Variants in AXIN1 observed in about 807,000 individuals in gnomAD.
AXIN1 encodes the protein axin-1.
Under a neutral mutation model 76.4 loss-of-function variants are expected in AXIN1, and 30 were observed. That is an observed-to-expected ratio of 0.39 (90% CI 0.29 to 0.53). The LOEUF (loss-of-function observed/expected upper bound fraction) is 0.53, where lower values mean the gene tolerates loss of function less well. AXIN1 is among the 20% of genes least tolerant of loss of function. The pLI, the probability that AXIN1 is intolerant of heterozygous loss-of-function variation, is 0.66. For synonymous variants in AXIN1, 545 were observed against 501.4 expected, an observed-to-expected ratio of 1.09 and a Z score of -1.16; for missense variants, 1,140 against 1,198.8, an observed-to-expected ratio of 0.95 and a Z score of 0.72.
intron 2 of AXIN1, among the ~76,000 whole-genome samples, chr16:345,700 G>C (rs1373935476): frequency 6.8e-6 from 1 of 147,968 alleles, no homozygotes; most frequent in Non-Finnish European, 1.5e-5. Context: ...AGCAACAAAA[G>C]TGAAACTCCG....
At chr16:332,101 C>T (rs80312716) in intron 2 of AXIN1, among the ~76,000 whole-genome samples, 1,545 of 152,242 alleles carry the variant, frequency 0.01, 19 homozygotes, top group African/African-American at 0.026. Context: ...TGCGAGAGTC[C>T]ACAGGTCGGC....
chr16:326,312 C>G (rs1362897198), intron 2 of AXIN1, among the ~76,000 whole-genome samples: 1 of 142,086 alleles, frequency 7.0e-6, no homozygotes, highest in Non-Finnish European at 1.5e-5. Flanking sequence ...CACAATCACA[C>G]CACTGCACTC....
intron 3 of AXIN1, among the ~76,000 whole-genome samples, chr16:311,750 A>G (rs970371201): frequency 1.3e-5 from 2 of 152,096 alleles, no homozygotes; most frequent in African/African-American, 2.4e-5. Flanking sequence ...CAGTCTGGGC[A>G]ACAGAGCAAG....
intron 8 of AXIN1, chr16:291,697 G>A (rs775485280): frequency 3.0e-5 from 10 of 333,452 alleles, no homozygotes; most frequent in Non-Finnish European, 5.3e-5. Flanking sequence ...GGCGTGCGTG[G>A]CAACTCGGTC....
intron 2 of AXIN1, among the ~76,000 whole-genome samples, chr16:326,693 C>T (rs2053591706): frequency 1.3e-5 from 2 of 148,846 alleles, no homozygotes; most frequent in Admixed American, 6.7e-5. Context: ...TTGCAGTGAG[C>T]GAGATCGCGC....
At chr16:320,328 G>A (rs926965283) in intron 2 of AXIN1, among the ~76,000 whole-genome samples, 1 of 152,102 alleles carries the variant, frequency 6.6e-6, no homozygotes, top group Non-Finnish European at 1.5e-5. Context: ...TTACAGGCAT[G>A]AGCCATCATG....
chr16:327,670 A>G (rs572989275), intron 2 of AXIN1, among the ~76,000 whole-genome samples: 1 of 152,240 alleles, frequency 6.6e-6, no homozygotes, highest in African/African-American at 2.4e-5. Flanking sequence ...CCAACAGCTC[A>G]AACTGTGGCC....
At chr16:307,888 T>C (rs1301516682) in intron 4 of AXIN1, among the ~76,000 whole-genome samples, 2 of 152,218 alleles carry the variant, frequency 1.3e-5, no homozygotes, top group Non-Finnish European at 2.9e-5. Flanking sequence ...AGTTTCCCAG[T>C]AGCAGCAGTG....
At position 293,181 on chromosome 16, in the gene AXIN1, C is replaced by T. The variant is rs1328626327; in HGVS notation, c.2186+307G>A. ...AGCCTCTGGCTGGGGACCGGCGTTC[C>T]CCACACACTGGGGCCCTGCAGCCTC... On this transcript the variant is annotated intron_variant, in intron 8 of 10. Coordinates refer to ENST00000262320, the MANE Select transcript of AXIN1 (RefSeq NM_003502.4). The surrounding 1 kb of genome is among the most constrained non-coding windows in gnomAD (Gnocchi z 4.6). The T allele has an allele frequency of 1.2e-5, 6 of 480,078 alleles. No individual in the cohort carries two copies. The highest frequency in any genetic ancestry group is 7.0e-5 in the East Asian group (2 of 28,600). The allele number at this position is 480,078 out of a possible 1,614,324, so 29.7% of individuals were successfully genotyped here. A position where few individuals can be genotyped will look rare whatever the true frequency, so the allele number is the denominator to read the frequency against.
chr16:312,575 G>A (rs1189386663), intron 3 of AXIN1, among the ~76,000 whole-genome samples: 1 of 152,190 alleles, frequency 6.6e-6, no homozygotes, highest in Non-Finnish European at 1.5e-5. Context: ...CCTGGCCCGA[G>A]GCTTCAGGAC....
At chr16:333,913 C>T (rs143947251) in intron 2 of AXIN1, among the ~76,000 whole-genome samples, 363 of 150,962 alleles carry the variant, frequency 2.4e-3, no homozygotes, top group Non-Finnish European at 4.1e-3. Context: ...CCATAGCATG[C>T]CCATAACACA....
At position 323,844 on chromosome 16, in the gene AXIN1, C is replaced by A. The variant is rs151220084; in HGVS notation, c.879-9161G>T. Among the ~76,000 whole-genome samples the A allele has an allele frequency of 1.5e-3, 223 of 152,250 alleles. 2 individuals carry two copies. Among genetic ancestry groups the A allele is most frequent in the African/African-American group, 5.1e-3 (211 of 41,528 alleles). ...CTGAGGGGTGTGACTTGGGTTCTCA[C>A]CTGCGTCTCTCTAGGAGCATAAGCA... On this transcript the variant is annotated intron_variant, in intron 2 of 10. Transcript: ENST00000262320.
intron 2 of AXIN1, among the ~76,000 whole-genome samples, chr16:326,372 A>AAAAAAAAAAAAATATATAT (rs1380874299): frequency 1.2e-5 from 1 of 86,470 alleles, no homozygotes; most frequent in African/African-American, 5.8e-5. Flanking sequence ...AAAAAAAAAA[A>AAAAAAAAAAAAATATATAT]ATATATATAT....
chr16:291,335 G>A lies in AXIN1; in HGVS notation c.2187-38C>T, dbSNP rs760747414. 9.9e-5 allele frequency: 151 copies of A among 1,519,782 alleles called. 1 individual carries two copies. The highest frequency in any genetic ancestry group is 1.2e-4 in the Non-Finnish European group (137 of 1,121,386). The allele number at this position is 1,519,782 out of a possible 1,614,324, so 94.1% of individuals were successfully genotyped here. On this transcript the variant is annotated intron_variant, in intron 8 of 10. Transcript: ENST00000262320. Reference sequence around the variant, plus strand: ...CCGCGTCAAAGGTGGCTGTGCCGGCGGCCACCAGCCCTGGGGAGGGAGCCT... The same window carrying A: ...CCGCGTCAAAGGTGGCTGTGCCGGCAGCCACCAGCCCTGGGGAGGGAGCCT...
At chr16:299,870 T>C (rs1469604145) in intron 5 of AXIN1, among the ~76,000 whole-genome samples, 1 of 149,210 alleles carries the variant, frequency 6.7e-6, no homozygotes, top group Non-Finnish European at 1.5e-5. Context: ...TTAGCCAGGA[T>C]GGTCTCGATC....
rs2054048819 is a variant in AXIN1 at position 347,043 on chromosome 16, A to G, written c.-18T>C. 1 of 1,613,980 alleles carries G rather than the reference A, an allele frequency of 6.2e-7. No individual in the cohort carries two copies. ...ATATTCATTTTGGGACTCTGCGTCA[A>G]GGAACAATGAGCGCTGCACCCTAAT... On this transcript the variant is annotated 5_prime_UTR_variant, in exon 2 of 11. Transcript: ENST00000262320.
chr16:313,182 G>T (rs563043124), intron 3 of AXIN1, among the ~76,000 whole-genome samples: 1 of 152,274 alleles, frequency 6.6e-6, no homozygotes, highest in South Asian at 2.1e-4. Flanking sequence ...GCGCACGCTT[G>T]TAGCCTCAGC....
In AXIN1 at chr16:304,368, T is replaced by A. The variant is rs969357289; in HGVS notation, c.1190A>T (p.Glu397Val). 6.2e-7 allele frequency: 1 copy of A among 1,612,478 alleles called. No individual in the cohort carries two copies. The highest frequency in any genetic ancestry group is 8.5e-7 in the Non-Finnish European group (1 of 1,179,894). ...KFAEELIHRLEAVQRTREAEE... is the reference protein window; with the variant it reads ...KFAEELIHRLVAVQRTREAEE... ...GGCCTCCCGCGTGCGCTGCACAGCCTCCAGGCGGTGGATGAGCTCCTCCGC... is the reference window on the plus strand; with the variant it reads ...GGCCTCCCGCGTGCGCTGCACAGCCACCAGGCGGTGGATGAGCTCCTCCGC... The change falls in exon 5 of 11, where the codon GAG (glutamate) becomes GTG (valine). Residue 397 changes from glutamate to valine, a missense_variant. Glu to Val is a moderately radical substitution (Grantham distance 121). Transcript: ENST00000262320.
At chr16:326,736 C>CAAA (rs59159771) in intron 2 of AXIN1, among the ~76,000 whole-genome samples, 6 of 121,248 alleles carry the variant, frequency 4.9e-5, no homozygotes, top group African/African-American at 1.5e-4. Flanking sequence ...AGAGTGGGAT[C>CAAA]AAAAAAAAAA....
Sources: allele counts gnomAD v4.1 joint callset (sites outside exome capture counted in the v4.1 genomes callset), GRCh38; gene constraint gnomAD v4.1.1; non-coding constraint Gnocchi (gnomAD v3.1); transcripts MANE v1.5; gene names NCBI Gene and HGNC (gene_info 2026-07-23, HGNC 2026-07-21).